The following KIF6 variants were observed in gnomAD, a reference collection of about 807,000 sequenced individuals.
KIF6 encodes kinesin family member 6, also known as kinesin-like protein KIF6.
In KIF6, 106 loss-of-function variants were observed where a neutral mutation model predicts 112.7. The observed-to-expected ratio is 0.94, with a 90% CI of 0.80 to 1.11. The LOEUF is 1.11. Among genes scored for constraint, KIF6 ranks in the 50% least tolerant of loss-of-function variants. KIF6 has a pLI of 0.00. For synonymous variants in KIF6, 339 were observed against 339.9 expected (o/e 1.00, Z 0.03); for missense variants, 929 against 964.0 (o/e 0.96, Z 0.48).
chr6:39,708,014 C>G (rs1312474880), intron 3 of KIF6, among the ~76,000 whole-genome samples: 1 of 152,174 alleles, frequency 6.6e-6, no homozygotes, highest in Admixed American at 6.5e-5. Flanking sequence ...TTTTAATCCT[C>G]TTTTGTGAGC....
At chr6:39,700,057 T>C (rs1225898793) in intron 3 of KIF6, among the ~76,000 whole-genome samples, 3 of 152,220 alleles carry the variant, frequency 2.0e-5, no homozygotes, top group Non-Finnish European at 4.4e-5. Flanking sequence ...TTTAAGGCGA[T>C]ACATATGGCT....
chr6:39,484,845 G>C (rs1775024909), intron 13 of KIF6, among the ~76,000 whole-genome samples: 1 of 152,114 alleles, frequency 6.6e-6, no homozygotes, highest in African/African-American at 2.4e-5. Flanking sequence ...CACTTAGATG[G>C]GAAGCTTGCA....
At chr6:39,465,339 G>A (rs1325699593) in intron 13 of KIF6, among the ~76,000 whole-genome samples, 2 of 152,172 alleles carry the variant, frequency 1.3e-5, no homozygotes, top group Admixed American at 6.5e-5. Flanking sequence ...AAGTAATGAC[G>A]TTATTATCAA....
intron 6 of KIF6, among the ~76,000 whole-genome samples, chr6:39,599,208 C>T (rs1484760156): frequency 6.6e-6 from 1 of 152,148 alleles, no homozygotes; most frequent in African/African-American, 2.4e-5. Flanking sequence ...TTAGTAGTAT[C>T]ATCCTCTCAA....
chr6:39,385,570 G>C (rs936716171), intron 16 of KIF6, 52 bp downstream of exon 16: 1 of 1,428,840 alleles, frequency 7.0e-7, no homozygotes, highest in Non-Finnish European at 9.9e-7. Flanking sequence ...CCTAAAATCA[G>C]GTCAGTTTAT....
intron 18 of KIF6, 29 bp downstream of exon 18, chr6:39,360,366 C>T (rs778915098): frequency 6.2e-7 from 1 of 1,612,804 alleles, no homozygotes; most frequent in African/African-American, 1.3e-5. Flanking sequence ...GGCCCCTCCC[C>T]AGCTTCCCTG....
intron 15 of KIF6, among the ~76,000 whole-genome samples, chr6:39,392,208 G>A (rs1401525040): frequency 1.3e-5 from 2 of 152,166 alleles, no homozygotes; most frequent in Non-Finnish European, 2.9e-5. Context: ...CTGTTTTGCT[G>A]TATATGCATC....
chr6:39,438,422 CT>C (rs1460314474), intron 13 of KIF6, among the ~76,000 whole-genome samples: 2 of 152,104 alleles, frequency 1.3e-5, no homozygotes, highest in African/African-American at 4.8e-5. Flanking sequence ...GTTACTGCCC[CT>C]GAAGACCTTC....
chr6:39,330,027 A>G lies in KIF6; in HGVS notation c.*6505T>C, dbSNP rs910060644. On this transcript the variant is annotated 3_prime_UTR_variant, in exon 23 of 23. Coordinates refer to ENST00000287152, the MANE Select transcript of KIF6 (RefSeq NM_145027.6). ...TTTGTTTATTGTCTAATTGGTTCAC[A>G]TGACGATTCTTTGTCCTATGATGTT... The G allele has an allele frequency of 1.3e-5, 2 of 152,242 alleles. No homozygotes were observed. Among genetic ancestry groups the G allele is most frequent in the African/African-American group, 4.8e-5 (2 of 41,466 alleles). 9.4% of individuals were successfully genotyped at this position (152,242 alleles called of 1,614,324 possible).
chr6:39,360,977 A>C (rs892051806), intron 17 of KIF6, among the ~76,000 whole-genome samples: 4 of 152,202 alleles, frequency 2.6e-5, no homozygotes, highest in African/African-American at 9.6e-5. Context: ...TATGGGACAG[A>C]GATAACTGAG....
rs140958153 is a variant in KIF6, at chr6:39,724,977, A to T, written c.66+268T>A. On this transcript the variant is annotated intron_variant, in intron 1 of 22. Transcript: ENST00000287152. The stretch of plus-strand genomic sequence containing the variant: ...TGCACTAGTCTGCCCCCGCGTGAAC[A>T]CGTGTGCCTGGGTGCAAAAAAAATG... 6.9e-3 allele frequency among the ~76,000 whole-genome samples: 1,046 copies of T among 152,278 alleles called. 15 individuals carry two copies. The highest frequency in any genetic ancestry group is 0.037 in the South Asian group (177 of 4,822).
intron 3 of KIF6, among the ~76,000 whole-genome samples, chr6:39,656,969 G>A (rs527343496): frequency 1.2e-4 from 18 of 152,190 alleles, no homozygotes; most frequent in East Asian, 1.9e-4. Context: ...GGTGGCTCAC[G>A]CCTATAATCC....
Position 39,351,500 on chromosome 6 carries a change from G to A in KIF6, c.2181-4974C>T, listed in dbSNP as rs116642905. Among the ~76,000 whole-genome samples the A allele has an allele frequency of 7.5e-3, 1,124 of 150,766 alleles. 17 individuals are homozygous for A. The highest frequency in any genetic ancestry group is 0.026 in the African/African-American group (1,072 of 41,080). On this transcript the variant is annotated intron_variant, in intron 19 of 22. Coordinates refer to ENST00000287152, the MANE Select transcript of KIF6 (RefSeq NM_145027.6). ...GAACTCCTGGCTCAAGCGATCCACC[G>A]GCTTTAGCCTCCCAAAGTACTGGGA...
chr6:39,475,460 T>A (rs1774371991), intron 13 of KIF6, among the ~76,000 whole-genome samples: 1 of 152,212 alleles, frequency 6.6e-6, no homozygotes, highest in African/African-American at 2.4e-5. Flanking sequence ...CTATTTGAAA[T>A]AACAAGTAGA....
chr6:39,463,665 C>T (rs1204882005), intron 13 of KIF6, among the ~76,000 whole-genome samples: 2 of 152,192 alleles, frequency 1.3e-5, no homozygotes, highest in South Asian at 2.1e-4. Flanking sequence ...TGTATGATGT[C>T]CCATCAGATG....
intron 6 of KIF6, among the ~76,000 whole-genome samples, chr6:39,611,593 G>A (rs916160515): frequency 1.4e-4 from 22 of 152,156 alleles, no homozygotes; most frequent in Admixed American, 9.8e-4. Context: ...GATCGCCTCC[G>A]AAAGAAAGTC....
At chr6:39,633,860 C>T (rs987299145) in intron 5 of KIF6, among the ~76,000 whole-genome samples, 1 of 152,182 alleles carries the variant, frequency 6.6e-6, no homozygotes, top group African/African-American at 2.4e-5. Flanking sequence ...CTTCCACACA[C>T]ATACACAAAA....
At chr6:39,713,558 A>C (rs1789674936) in intron 3 of KIF6, among the ~76,000 whole-genome samples, 1 of 152,182 alleles carries the variant, frequency 6.6e-6, no homozygotes. Flanking sequence ...AAAGAAACTT[A>C]AGGTTCCCTT....
intron 7 of KIF6, among the ~76,000 whole-genome samples, chr6:39,592,329 A>C (rs1421547936): frequency 2.6e-5 from 4 of 152,230 alleles, no homozygotes; most frequent in Admixed American, 2.6e-4. Context: ...AAGACTTTAA[A>C]CAAAAAAGAG....
Sources: allele counts gnomAD v4.1 joint callset (sites outside exome capture counted in the v4.1 genomes callset), GRCh38; gene constraint gnomAD v4.1.1; transcripts MANE v1.5; gene names NCBI Gene and HGNC (gene_info 2026-07-23, HGNC 2026-07-21).